Variants in CIMIP2B observed in about 807,000 individuals in gnomAD.
The protein encoded by CIMIP2B is ciliary microtubule inner protein 2B.
chr9:35,562,097 T>G, the CIMIP2B span: 1 of 1,528,166 alleles, frequency 6.5e-7, no homozygotes. Flanking sequence ...ACTTATACCC[T>G]GTGTGGCCAA....
At chr9:35,563,496 A>G in the CIMIP2B span, 25 of 896,252 alleles carry the variant, frequency 2.8e-5, no homozygotes, top group African/African-American at 3.7e-4. Flanking sequence ...AGCAGTGTAT[A>G]TATTTGGAGC....
chr9:35,562,983 C>T, the CIMIP2B span: 81 of 1,614,012 alleles, frequency 5.0e-5, no homozygotes, highest in Middle Eastern at 3.3e-4. Context: ...GCTCTTCACT[C>T]CCTTGCTTTT....
the CIMIP2B span, chr9:35,563,068 C>T: frequency 6.7e-5 from 108 of 1,613,812 alleles, no homozygotes; most frequent in Middle Eastern, 3.3e-4. Context: ...GAACTGTGCC[C>T]GGGGTACAAA....
chr9:35,563,862 A>G, the CIMIP2B span: 2 of 1,598,386 alleles, frequency 1.3e-6, no homozygotes, highest in Non-Finnish European at 1.7e-6. Flanking sequence ...TTTGCCTTTG[A>G]GCCAAGGCTC....
chr9:35,561,853 T>TATTTA, the CIMIP2B span: 1 of 635,664 alleles, frequency 1.6e-6, no homozygotes, highest in Non-Finnish European at 2.8e-6. Flanking sequence ...TTTATTTATT[T>TATTTA]ATTTATTATA....
chr9:35,563,431 C>A, the CIMIP2B span: 3 of 1,481,970 alleles, frequency 2.0e-6, no homozygotes, highest in Non-Finnish European at 2.8e-6. Context: ...CGCCCTGCCC[C>A]GCCATCCCCA....
At chr9:35,562,444 G>C in the CIMIP2B span, 1 of 1,578,810 alleles carries the variant, frequency 6.3e-7, no homozygotes, top group Non-Finnish European at 8.6e-7. Context: ...TGGGAAGTGG[G>C]GGGAGATGTT....
the CIMIP2B span, chr9:35,563,295 A>G: frequency 6.2e-7 from 1 of 1,613,990 alleles, no homozygotes; most frequent in Non-Finnish European, 8.5e-7. Flanking sequence ...ACAGGGGGCC[A>G]GGCTAGGCCA....
the CIMIP2B span, chr9:35,562,436 G>C: frequency 1.9e-6 from 3 of 1,572,502 alleles, no homozygotes; most frequent in Non-Finnish European, 2.6e-6. Context: ...GTATGTTCTG[G>C]GAAGTGGGGG....
At chr9:35,563,429 C>T in the CIMIP2B span, 4 of 1,481,576 alleles carry the variant, frequency 2.7e-6, no homozygotes, top group East Asian at 7.3e-5. Flanking sequence ...ATCGCCCTGC[C>T]CCGCCATCCC....
chr9:35,562,307 A>G, the CIMIP2B span: 1 of 1,310,534 alleles, frequency 7.6e-7, no homozygotes, highest in Non-Finnish European at 1.0e-6. Flanking sequence ...ACCCCCACAA[A>G]CCACCCAACC....
the CIMIP2B span, chr9:35,563,499 T>G: frequency 2.3e-6 from 2 of 880,976 alleles, no homozygotes; most frequent in Non-Finnish European, 3.6e-6. Flanking sequence ...AGTGTATATA[T>G]TTGGAGCAGG....
At chr9:35,563,372 G>A in the CIMIP2B span, 1 of 1,612,484 alleles carries the variant, frequency 6.2e-7, no homozygotes, top group South Asian at 1.1e-5. Flanking sequence ...CCGAAGTAGT[G>A]GGCAGTGTCC....
the CIMIP2B span, chr9:35,561,927 A>AGCCCCC: frequency 5.2e-6 from 1 of 192,554 alleles, no homozygotes. Context: ...CCACCCTCCC[A>AGCCCCC]CCCTCCCACC....
the CIMIP2B span, chr9:35,563,140 G>C: frequency 1.5e-5 from 25 of 1,613,136 alleles, no homozygotes; most frequent in South Asian, 2.7e-4. Flanking sequence ...CCTGGGAGGG[G>C]CACCTGTGCA....
chr9:35,563,782 G>C, the CIMIP2B span: 1 of 1,614,002 alleles, frequency 6.2e-7, no homozygotes, highest in Non-Finnish European at 8.5e-7. Context: ...GATATAATGA[G>C]GGTTCTGAGG....
At chr9:35,562,342 A>T in the CIMIP2B span, 2 of 1,240,628 alleles carry the variant, frequency 1.6e-6, no homozygotes, top group African/African-American at 1.5e-5. Flanking sequence ...ACAAACAAAC[A>T]TTCCAGTCCC....
chr9:35,562,260 C>T, the CIMIP2B span: 3 of 1,073,518 alleles, frequency 2.8e-6, no homozygotes, highest in Non-Finnish European at 4.0e-6. Flanking sequence ...TAAAGCTGAA[C>T]CACATGATCT....
At chr9:35,562,111 A>AGTC in the CIMIP2B span, 5 of 1,510,250 alleles carry the variant, frequency 3.3e-6, no homozygotes, top group African/African-American at 6.9e-5. Context: ...TGGCCAAGAG[A>AGTC]GTCTGTCACA....
Sources: gnomAD v4.1 joint callset for allele counts on GRCh38, gnomAD v4.1.1 for gene constraint, MANE v1.5 for transcripts, NCBI Gene and HGNC (gene_info 2026-07-23, HGNC 2026-07-21) for gene names.